The following FGD4 variants were observed in gnomAD, a reference collection of about 807,000 sequenced individuals.
The protein encoded by FGD4 is FYVE, RhoGEF and PH domain-containing protein 4.
FGD4 carries 42 observed loss-of-function variants against 102.0 expected under a neutral mutation model. That is an observed-to-expected ratio of 0.41 (90% CI 0.32 to 0.53). FGD4 has a LOEUF of 0.53. Ranked by LOEUF, FGD4 falls within the 20% of genes least tolerant of loss-of-function variation. FGD4 has a pLI of 0.21. For missense variants in FGD4, 902 were observed against 1,078.2 expected (o/e 0.84, Z 2.29); for synonymous variants, 380 against 375.7 (o/e 1.01, Z -0.13).
chr12:32,512,156 A>G (rs1411860106), intron 1 of FGD4, among the ~76,000 whole-genome samples: 1 of 152,022 alleles, frequency 6.6e-6, no homozygotes, highest in Admixed American at 6.6e-5. Context: ...GAAGAAGTAG[A>G]GTGCTTGTGG....
chr12:32,566,021 A>G (rs1437398405), intron 2 of FGD4, among the ~76,000 whole-genome samples: 4 of 152,162 alleles, frequency 2.6e-5, no homozygotes, highest in Non-Finnish European at 5.9e-5. Flanking sequence ...GTAACAAAAT[A>G]CCATAAATTG....
chr12:32,450,096 C>A (rs547484443), intron 1 of FGD4, among the ~76,000 whole-genome samples: 1 of 152,008 alleles, frequency 6.6e-6, no homozygotes, highest in African/African-American at 2.4e-5. Context: ...CCATGCCTGG[C>A]TAATTTTTGT....
chr12:32,442,381 A>C (rs117965363), intron 1 of FGD4, among the ~76,000 whole-genome samples: 5,811 of 152,092 alleles, frequency 0.038, 174 homozygotes, highest in South Asian at 0.12. Context: ...TCTTCAGTGC[A>C]TGTTTCACTG....
intron 10 of FGD4, among the ~76,000 whole-genome samples, chr12:32,616,452 C>A (rs909298071): frequency 2.6e-5 from 4 of 152,178 alleles, no homozygotes; most frequent in Admixed American, 2.6e-4. Context: ...CACATTTATT[C>A]TTTGAAGACC....
chr12:32,509,276 T>C (rs560446845), intron 1 of FGD4, among the ~76,000 whole-genome samples: 1 of 149,410 alleles, frequency 6.7e-6, no homozygotes, highest in Non-Finnish European at 1.5e-5. Flanking sequence ...GCCATTCCAT[T>C]AATCTAGGCA....
intron 1 of FGD4, among the ~76,000 whole-genome samples, chr12:32,415,446 A>C (rs1941372993): frequency 8.4e-6 from 1 of 119,142 alleles, no homozygotes. Context: ...TTTTTGAGAC[A>C]GAGTCTCCCT....
At position 32,633,567 on chromosome 12, in the gene FGD4, T is replaced by G; in HGVS notation, c.2191T>G (p.Ser731Ala). 6.2e-7 allele frequency: 1 copy of G among 1,613,808 alleles called. No homozygotes were observed. Among genetic ancestry groups the G allele is most frequent in the Non-Finnish European group, 8.5e-7 (1 of 1,179,838 alleles). The stretch of plus-strand genomic sequence containing the variant: ...ATTTAAGGTGGTTTGTTGGAAATGC[T>G]CCGACTACAAAGCTCAACTTGAATA... The part of the protein sequence containing the change: ...ACGYVVCWKC[S>A]DYKAQLEYDG... Residue 731 changes from serine to alanine, a missense_variant, in exon 15 of 17, where the codon TCC (serine) becomes GCC (alanine). This residue lies in a region of FGD4 where 459 missense variants were observed against 619.0 expected (regional missense o/e 0.74). Transcript: ENST00000534526.
At chr12:32,569,617 A>G (rs1945475879) in intron 2 of FGD4, among the ~76,000 whole-genome samples, 1 of 152,072 alleles carries the variant, frequency 6.6e-6, no homozygotes, top group African/African-American at 2.4e-5. Flanking sequence ...CACACCCTGG[A>G]TGGTATTTAT....
chr12:32,516,573 G>GA (rs1939910616), intron 1 of FGD4, among the ~76,000 whole-genome samples: 4 of 152,180 alleles, frequency 2.6e-5, no homozygotes, highest in Admixed American at 2.6e-4. Flanking sequence ...GTTATCTGTT[G>GA]TAAATATATA....
At position 32,585,228 on chromosome 12, in the gene FGD4, A is replaced by G. The variant is rs1180130446; in HGVS notation, c.1011+2761A>G. Among the ~76,000 whole-genome samples the G allele has an allele frequency of 6.7e-5, 5 of 74,438 alleles. 1 individual carries two copies. Among genetic ancestry groups the G allele is most frequent in the African/African-American group, 4.9e-4 (5 of 10,244 alleles). 48.8% of individuals were successfully genotyped at this position (74,438 alleles called of 152,430 possible). Reference sequence around the variant, plus strand: ...AGACCCTGTCTCAAAAATTTTATATATATATATATATATATATATATATAT... The same window carrying G: ...AGACCCTGTCTCAAAAATTTTATATGTATATATATATATATATATATATAT... On this transcript the variant is annotated intron_variant, in intron 4 of 16. Transcript: ENST00000534526.
chr12:32,489,458 T>C (rs1944018703), intron 1 of FGD4, among the ~76,000 whole-genome samples: 1 of 152,258 alleles, frequency 6.6e-6, no homozygotes, highest in African/African-American at 2.4e-5. Context: ...TGTGTACTTT[T>C]CTTTGGAAGT....
intron 5 of FGD4, among the ~76,000 whole-genome samples, chr12:32,598,824 A>C (rs1948116994): frequency 6.6e-6 from 1 of 152,208 alleles, no homozygotes; most frequent in African/African-American, 2.4e-5. Context: ...TGTGTTTATC[A>C]AGTGTCCTAT....
At chr12:32,625,876 T>C in intron 14 of FGD4, 97 bp downstream of exon 14, 2 of 1,531,366 alleles carry the variant, frequency 1.3e-6, no homozygotes, top group Non-Finnish European at 1.8e-6. Flanking sequence ...TTTCAACAAA[T>C]CACTTAATAA....
At chr12:32,597,518 A>C (rs1218187986) in intron 4 of FGD4, among the ~76,000 whole-genome samples, 1 of 152,222 alleles carries the variant, frequency 6.6e-6, no homozygotes, top group East Asian at 1.9e-4. Flanking sequence ...CAAAGTAGTA[A>C]TAAATGTCCA....
chr12:32,427,256 T>C (rs1041970752), intron 1 of FGD4, among the ~76,000 whole-genome samples: 16 of 152,236 alleles, frequency 1.1e-4, no homozygotes, highest in Admixed American at 1.3e-4. Flanking sequence ...GAGATTCTGG[T>C]ACGTTGTTTC....
Position 32,580,820 on chromosome 12 carries a change from T to G in FGD4, c.504-1140T>G, listed in dbSNP as rs549359603. Among the ~76,000 whole-genome samples the G allele has an allele frequency of 8.5e-3, 1,272 of 149,180 alleles. 45 individuals carry two copies. The highest frequency in any genetic ancestry group is 0.058 in the Admixed American group (865 of 14,832). On this transcript the variant is annotated intron_variant, in intron 3 of 16. Coordinates refer to ENST00000534526, the MANE Select transcript of FGD4 (RefSeq NM_001370298.3). Reference sequence around the variant, plus strand: ...GAGAATGGTGTGAACCCGGGAGGCGTAGCTTGCAGTGAGCCAAGATTGCGC... The same window carrying G: ...GAGAATGGTGTGAACCCGGGAGGCGGAGCTTGCAGTGAGCCAAGATTGCGC...
chr12:32,463,371 G>A (rs555178860), intron 1 of FGD4, among the ~76,000 whole-genome samples: 4 of 152,310 alleles, frequency 2.6e-5, no homozygotes, highest in South Asian at 2.1e-4. Flanking sequence ...AATTAAGAAT[G>A]TCAAGAGTCA....
chr12:32,526,285 G>A (rs1474713579), intron 1 of FGD4, among the ~76,000 whole-genome samples: 2 of 152,146 alleles, frequency 1.3e-5, no homozygotes, highest in Admixed American at 6.5e-5. Flanking sequence ...GAACCTTTAT[G>A]TCTAGCTCAA....
At chr12:32,436,456 G>A (rs1197472809) in intron 1 of FGD4, among the ~76,000 whole-genome samples, 3 of 152,192 alleles carry the variant, frequency 2.0e-5, no homozygotes, top group Non-Finnish European at 4.4e-5. Context: ...GGCATTGAAT[G>A]GCTGCAATAA....
Sources: allele counts gnomAD v4.1 joint callset (sites outside exome capture counted in the v4.1 genomes callset), GRCh38; gene constraint gnomAD v4.1.1; regional missense constraint gnomAD v4.1.1; transcripts MANE v1.5; gene names NCBI Gene and HGNC (gene_info 2026-07-23, HGNC 2026-07-21).